The following PDE7B variants were observed in gnomAD, a reference collection of about 807,000 sequenced individuals.
PDE7B encodes 3',5'-cyclic-AMP phosphodiesterase 7B.
In PDE7B, 29 loss-of-function variants were observed where a neutral mutation model predicts 56.2. The observed-to-expected ratio is 0.52, with a 90% CI of 0.38 to 0.70. The LOEUF (loss-of-function observed/expected upper bound fraction) is 0.70, where lower values mean the gene tolerates loss of function less well. PDE7B is among the 30% of genes least tolerant of loss of function. The pLI is 0.00. For synonymous variants in PDE7B, 197 were observed against 196.9 expected, an observed-to-expected ratio of 1.00 and a Z score of 0.00; for missense variants, 490 against 565.0, an observed-to-expected ratio of 0.87 and a Z score of 1.35.
At position 135,918,094 on chromosome 6, in the gene PDE7B, C is replaced by T. The variant is rs544139086; in HGVS notation, c.22-29370C>T. Among the ~76,000 whole-genome samples the T allele has an allele frequency of 3.3e-5, 5 of 152,278 alleles. No individual in the cohort carries two copies. In the South Asian group the frequency reaches 1.0e-3, roughly 32 times the overall value. On this transcript the variant is annotated intron_variant, in intron 1 of 12. Coordinates refer to ENST00000308191, the MANE Select transcript of PDE7B (RefSeq NM_018945.4). ...TATGCAGATTTCTGGTCTTTCTTCTCTATGCAGTTTCTAGTTCTCTTCTCT... is the reference window on the plus strand; with the variant it reads ...TATGCAGATTTCTGGTCTTTCTTCTTTATGCAGTTTCTAGTTCTCTTCTCT...
At chr6:136,081,907 T>C (rs777564209) in intron 2 of PDE7B, among the ~76,000 whole-genome samples, 17 of 152,222 alleles carry the variant, frequency 1.1e-4, no homozygotes, top group Non-Finnish European at 1.9e-4. Flanking sequence ...GTCCTCAAAC[T>C]AGAGCGTAAA....
intron 3 of PDE7B, among the ~76,000 whole-genome samples, chr6:136,139,161 C>G (rs1448667229): frequency 6.6e-6 from 1 of 152,050 alleles, no homozygotes; most frequent in Non-Finnish European, 1.5e-5. Context: ...GATGTTCGCC[C>G]TCCTGTGTCC....
At chr6:136,185,579 C>T (rs188937278) in intron 11 of PDE7B, among the ~76,000 whole-genome samples, 158 of 151,874 alleles carry the variant, frequency 1.0e-3, no homozygotes, top group Middle Eastern at 3.4e-3. Flanking sequence ...ACGTAGAGAT[C>T]CTATCTCTAT....
intron 1 of PDE7B, among the ~76,000 whole-genome samples, chr6:135,928,453 TTATATATATATTTATTTA>T (rs1201543019): frequency 2.9e-4 from 31 of 105,258 alleles, no homozygotes; most frequent in East Asian, 1.1e-3. Flanking sequence ...ATATATTTAT[TTATATATATATTTATTTA>T]TATATATATA....
intron 8 of PDE7B, among the ~76,000 whole-genome samples, chr6:136,163,392 G>T (rs1778741117): frequency 6.6e-6 from 1 of 152,232 alleles, no homozygotes; most frequent in African/African-American, 2.4e-5. Flanking sequence ...AGCTGAAACA[G>T]CTGGGATGCA....
At position 136,081,507 on chromosome 6, in the gene PDE7B, C is replaced by T. The variant is rs1777206343; in HGVS notation, c.83-27224C>T. On this transcript the variant is annotated intron_variant, in intron 2 of 12. Coordinates refer to ENST00000308191, the MANE Select transcript of PDE7B (RefSeq NM_018945.4). ...AATATCTACTCTGGCCTCTGACATACACACAAACATTCCTAAGACAGGAAA... is the reference window on the plus strand; with the variant it reads ...AATATCTACTCTGGCCTCTGACATATACACAAACATTCCTAAGACAGGAAA... 2.0e-5 allele frequency among the ~76,000 whole-genome samples: 3 copies of T among 152,294 alleles called. No individual in the cohort carries two copies. In the South Asian group the frequency reaches 6.2e-4, roughly 32 times the overall value.
intron 1 of PDE7B, among the ~76,000 whole-genome samples, chr6:135,918,974 C>T (rs1419933559): frequency 6.6e-6 from 1 of 152,064 alleles, no homozygotes; most frequent in East Asian, 1.9e-4. Flanking sequence ...AAGCTAACTG[C>T]CTTATGTATT....
At chr6:135,988,431 T>G (rs1303805824) in intron 2 of PDE7B, among the ~76,000 whole-genome samples, 1 of 152,208 alleles carries the variant, frequency 6.6e-6, no homozygotes, top group East Asian at 1.9e-4. Flanking sequence ...TGGAAATATT[T>G]AAATTAGACA....
intron 12 of PDE7B, 103 bp downstream of exon 12, chr6:136,187,219 A>G: frequency 1.5e-6 from 1 of 675,602 alleles, no homozygotes; most frequent in Non-Finnish European, 2.6e-6. Flanking sequence ...TCAGCACTGG[A>G]GGTTTAATCA....
At chr6:136,180,848 T>G (rs1234750970) in intron 10 of PDE7B, among the ~76,000 whole-genome samples, 1 of 152,144 alleles carries the variant, frequency 6.6e-6, no homozygotes, top group Admixed American at 6.5e-5. Context: ...GTGGCTACTG[T>G]GAGAGTGAGG....
At chr6:136,136,676 C>G (rs981695130) in intron 3 of PDE7B, among the ~76,000 whole-genome samples, 5 of 150,914 alleles carry the variant, frequency 3.3e-5, no homozygotes, top group African/African-American at 1.2e-4. Context: ...CTCATGTACC[C>G]CATAAATATG....
At chr6:136,082,375 C>T (rs1777220964) in intron 2 of PDE7B, among the ~76,000 whole-genome samples, 1 of 152,180 alleles carries the variant, frequency 6.6e-6, no homozygotes, top group Non-Finnish European at 1.5e-5. Flanking sequence ...GGGAGCAAAC[C>T]TGTCTCTCTC....
intron 1 of PDE7B, among the ~76,000 whole-genome samples, chr6:135,941,055 A>G (rs1774498593): frequency 6.6e-6 from 1 of 152,204 alleles, no homozygotes; most frequent in Admixed American, 6.6e-5. Flanking sequence ...TTATATGGCA[A>G]ACTTGCAGAT....
chr6:135,867,043 G>A (rs1396030070), intron 1 of PDE7B, among the ~76,000 whole-genome samples: 1 of 152,146 alleles, frequency 6.6e-6, no homozygotes, highest in African/African-American at 2.4e-5. Context: ...GATCTTTCGA[G>A]CACAGGTGAA....
At chr6:135,948,074 A>G (rs1774623015) in intron 2 of PDE7B, among the ~76,000 whole-genome samples, 1 of 152,012 alleles carries the variant, frequency 6.6e-6, no homozygotes, top group Non-Finnish European at 1.5e-5. Flanking sequence ...AACTCTTTTA[A>G]TATATACTGT....
At chr6:136,037,287 A>G in intron 2 of PDE7B, 1 of 348,568 alleles carries the variant, frequency 2.9e-6, no homozygotes, top group Non-Finnish European at 4.0e-6. Context: ...CATACGCATG[A>G]GGATCTTGAT....
At chr6:135,926,125 C>G (rs1326031277) in intron 1 of PDE7B, among the ~76,000 whole-genome samples, 1 of 128,764 alleles carries the variant, frequency 7.8e-6, no homozygotes. Flanking sequence ...TTCACTCTGT[C>G]GCCCAGGCTG....
At position 136,191,873 on chromosome 6, in the gene PDE7B, G is replaced by C. The variant is rs936404385; in HGVS notation, c.*33G>C. 6.6e-7 allele frequency: 1 copy of C among 1,504,766 alleles called. No individual in the cohort carries two copies. The highest frequency in any genetic ancestry group is 1.2e-5 in the South Asian group (1 of 82,980). The allele number at this position is 1,504,766 out of a possible 1,614,324, so 93.2% of individuals were successfully genotyped here. ...CCCAACTTAGACGCGGCTCTCCTCCGGCAGGGCCCCCAGAGGGCAGAAGCA... is the reference window on the plus strand; with the variant it reads ...CCCAACTTAGACGCGGCTCTCCTCCCGCAGGGCCCCCAGAGGGCAGAAGCA... On this transcript the variant is annotated 3_prime_UTR_variant, in exon 13 of 13. Transcript: ENST00000308191.
rs1391841476 is a variant in PDE7B, at chr6:135,959,425, G to C, written c.82+11901G>C. 2.0e-5 allele frequency among the ~76,000 whole-genome samples: 3 copies of C among 152,152 alleles called. No individual in the cohort carries two copies. The East Asian group carries it at 5.8e-4, about 29-fold the overall frequency. On this transcript the variant is annotated intron_variant, in intron 2 of 12. Transcript: ENST00000308191. The stretch of plus-strand genomic sequence containing the variant: ...ATTTTCTCTTCTTTTAGAAAATCAA[G>C]TATTTAAAAAAGAAATTGAACATCT...
Sources: allele counts gnomAD v4.1 joint callset (sites outside exome capture counted in the v4.1 genomes callset), GRCh38; gene constraint gnomAD v4.1.1; transcripts MANE v1.5; gene names NCBI Gene and HGNC (gene_info 2026-07-23, HGNC 2026-07-21).